CYTH1: variants seen among roughly 807,000 people sequenced by gnomAD.
The protein encoded by CYTH1 is cytohesin-1.
CYTH1 carries 18 observed loss-of-function variants against 61.8 expected under a neutral mutation model. That is an observed-to-expected ratio of 0.29 (90% CI 0.20 to 0.43). The LOEUF (loss-of-function observed/expected upper bound fraction) is 0.43. CYTH1 is among the 20% of genes least tolerant of loss of function. The pLI, the probability that CYTH1 is intolerant of heterozygous loss-of-function variation, is 1.00. For synonymous variants in CYTH1, 174 were observed against 184.3 expected (o/e 0.94, Z 0.45); for missense variants, 336 against 510.5 (o/e 0.66, Z 3.29).
At chr17:78,710,887 T>C (rs921385917) in intron 1 of CYTH1, among the ~76,000 whole-genome samples, 3 of 152,148 alleles carry the variant, frequency 2.0e-5, no homozygotes, top group African/African-American at 4.8e-5. Context: ...AGCTGCACTG[T>C]ACAATATGGC....
At chr17:78,709,507 C>T in intron 2 of CYTH1, 143 bp downstream of exon 2, 2 of 731,982 alleles carry the variant, frequency 2.7e-6, no homozygotes, top group Non-Finnish European at 4.5e-6. Flanking sequence ...GACTGATTAT[C>T]AACACCTACG....
At chr17:78,755,720 G>C (rs947320327) in intron 1 of CYTH1, among the ~76,000 whole-genome samples, 2 of 151,958 alleles carry the variant, frequency 1.3e-5, no homozygotes, top group Non-Finnish European at 2.9e-5. Flanking sequence ...GACTGCTTAA[G>C]CCCAGAAGCT....
chr17:78,755,040 A>C (rs916774883), intron 1 of CYTH1, among the ~76,000 whole-genome samples: 4 of 152,160 alleles, frequency 2.6e-5, no homozygotes, highest in Non-Finnish European at 4.4e-5. Context: ...CAATAGCCCA[A>C]ATCTGGAAAC....
At chr17:78,781,714 C>T (rs1402804680) in intron 1 of CYTH1, among the ~76,000 whole-genome samples, 1 of 152,126 alleles carries the variant, frequency 6.6e-6, no homozygotes, top group Non-Finnish European at 1.5e-5. Flanking sequence ...GGAACGCGGG[C>T]CCGGCCATCC....
chr17:78,700,463 G>A lies in CYTH1; in HGVS notation c.438-20C>T, dbSNP rs775531505. Reference sequence around the variant, plus strand: ...AACTGCCTGAGTGGGTAAAGACAGAGTGTTCCAGAACTTGGGGAGGCAATT... The same window carrying A: ...AACTGCCTGAGTGGGTAAAGACAGAATGTTCCAGAACTTGGGGAGGCAATT... On this transcript the variant is annotated intron_variant, in intron 6 of 13. Coordinates refer to ENST00000446868, the MANE Select transcript of CYTH1 (RefSeq NM_004762.6). The surrounding 1 kb of genome is among the most constrained non-coding windows in gnomAD (Gnocchi z 5.1). The A allele has an allele frequency of 1.8e-5, 28 of 1,588,312 alleles. No individual in the cohort carries two copies. Among genetic ancestry groups the A allele is most frequent in the Non-Finnish European group, 2.4e-5 (28 of 1,166,824 alleles).
intron 9 of CYTH1, chr17:78,696,745 A>C (rs765631335): frequency 6.6e-6 from 1 of 152,300 alleles, no homozygotes; most frequent in Non-Finnish European, 1.5e-5. Context: ...CTAAGAACCA[A>C]GATAATCTTT....
chr17:78,761,690 A>G (rs1270416099), intron 1 of CYTH1, among the ~76,000 whole-genome samples: 1 of 152,208 alleles, frequency 6.6e-6, no homozygotes, highest in African/African-American at 2.4e-5. Context: ...GTGAGACGAG[A>G]TCACGCCACT....
chr17:78,771,311 A>G (rs1043825237), intron 1 of CYTH1, among the ~76,000 whole-genome samples: 3 of 152,114 alleles, frequency 2.0e-5, no homozygotes, highest in Non-Finnish European at 4.4e-5. Context: ...ACAGTGGCAC[A>G]TGCCTATAAT....
intron 13 of CYTH1, among the ~76,000 whole-genome samples, chr17:78,679,951 T>G (rs1446275858): frequency 6.6e-6 from 1 of 152,188 alleles, no homozygotes; most frequent in African/African-American, 2.4e-5. Flanking sequence ...TCTTCCTATT[T>G]TGGGTCTATG....
At chr17:78,777,802 T>C (rs1001038797) in intron 1 of CYTH1, among the ~76,000 whole-genome samples, 5 of 144,152 alleles carry the variant, frequency 3.5e-5, no homozygotes, top group Non-Finnish European at 7.5e-5. Flanking sequence ...CTAGCTAACA[T>C]GGTGAAACCC....
chr17:78,780,932 C>T (rs1189806910), intron 1 of CYTH1, among the ~76,000 whole-genome samples: 1 of 152,056 alleles, frequency 6.6e-6, no homozygotes, highest in Non-Finnish European at 1.5e-5. Flanking sequence ...GCTCAGCTCA[C>T]CCAGGAGGCC....
intron 13 of CYTH1, chr17:78,677,557 C>G (rs2092714264): frequency 6.2e-6 from 1 of 161,522 alleles, no homozygotes; most frequent in African/African-American, 2.4e-5. Context: ...GCCGCTGTTA[C>G]CGCTGACACG....
rs368399343 is a variant in CYTH1, at chr17:78,743,513, C to T, written c.23-33781G>A. Among the ~76,000 whole-genome samples, 5 of 152,304 alleles carry T rather than the reference C, an allele frequency of 3.3e-5. No homozygotes were observed. The East Asian group carries it at 7.7e-4, about 23-fold the overall frequency. On this transcript the variant is annotated intron_variant, in intron 1 of 13. Transcript: ENST00000446868. ...ATGCTCACTGGAGCATTTTGGATTT[C>T]CAGTTTTCAGGTTAGGGATGCTCTG... is the stretch of plus-strand genomic sequence containing the variant.
intron 1 of CYTH1, among the ~76,000 whole-genome samples, chr17:78,742,943 G>A (rs1274413953): frequency 4.6e-5 from 7 of 152,150 alleles, no homozygotes; most frequent in Admixed American, 4.6e-4. Flanking sequence ...TAAAACACAC[G>A]CCAACTAGAC....
At chr17:78,774,656 C>T (rs571375645) in intron 1 of CYTH1, among the ~76,000 whole-genome samples, 1 of 152,212 alleles carries the variant, frequency 6.6e-6, no homozygotes, top group South Asian at 2.1e-4. Context: ...GGCTCCTCTC[C>T]CCAGCCCGCA....
At position 78,674,536 on chromosome 17, in the gene CYTH1, T is replaced by A. The variant is rs2092676139; in HGVS notation, c.*1555A>T. ...AGTGGCGGGGAGGGAGGTGACAGACTGTCCCCCTCTATTCCTCCCACCACT... is the reference window on the plus strand; with the variant it reads ...AGTGGCGGGGAGGGAGGTGACAGACAGTCCCCCTCTATTCCTCCCACCACT... On this transcript the variant is annotated 3_prime_UTR_variant, in exon 14 of 14. Transcript: ENST00000446868. The A allele has an allele frequency of 6.6e-6, 1 of 152,240 alleles. No homozygotes were observed. The allele number at this position is 152,240 out of a possible 1,614,324, so 9.4% of individuals were successfully genotyped here.
Position 78,700,478 on chromosome 17 carries a change from G to C in CYTH1, c.438-35C>G, listed in dbSNP as rs1194155521. ...TAAAGACAGAGTGTTCCAGAACTTG[G>C]GGAGGCAATTTATTTCTCTATGAAT... On this transcript the variant is annotated intron_variant, in intron 6 of 13. Coordinates refer to ENST00000446868, the MANE Select transcript of CYTH1 (RefSeq NM_004762.6). The surrounding 1 kb of genome is among the most constrained non-coding windows in gnomAD (Gnocchi z 5.1). 2.0e-6 allele frequency: 3 copies of C among 1,531,732 alleles called. No individual in the cohort carries two copies. Among genetic ancestry groups the C allele is most frequent in the Non-Finnish European group, 2.7e-6 (3 of 1,131,836 alleles). 94.9% of individuals were successfully genotyped at this position (1,531,732 alleles called of 1,614,324 possible). A position where few individuals can be genotyped will look rare whatever the true frequency, so the allele number is the denominator to read the frequency against.
At chr17:78,740,519 C>T (rs1271439354) in intron 1 of CYTH1, among the ~76,000 whole-genome samples, 3 of 152,342 alleles carry the variant, frequency 2.0e-5, no homozygotes, top group Non-Finnish European at 2.9e-5. Context: ...GGCCAGGCAG[C>T]GTCCCTTAAA....
At position 78,762,226 on chromosome 17, in the gene CYTH1, T is replaced by C. The variant is rs74001228; in HGVS notation, c.22+19976A>G. Among the ~76,000 whole-genome samples, 655 of 152,312 alleles carry C rather than the reference T, an allele frequency of 4.3e-3. 5 individuals carry two copies. Among genetic ancestry groups the C allele is most frequent in the African/African-American group, 0.015 (612 of 41,576 alleles). On this transcript the variant is annotated intron_variant, in intron 1 of 13. Transcript: ENST00000446868. ...AACAACATAACCTTCTGACTCAAGATAGTCTCTGTTCCGGTAATTTGATGA... is the reference window on the plus strand; with the variant it reads ...AACAACATAACCTTCTGACTCAAGACAGTCTCTGTTCCGGTAATTTGATGA...
Sources: allele counts gnomAD v4.1 joint callset (sites outside exome capture counted in the v4.1 genomes callset), GRCh38; gene constraint gnomAD v4.1.1; non-coding constraint Gnocchi (gnomAD v3.1); transcripts MANE v1.5; gene names NCBI Gene and HGNC (gene_info 2026-07-23, HGNC 2026-07-21).